The following EDNRA variants were observed in gnomAD, a reference collection of about 807,000 sequenced individuals.
The protein encoded by EDNRA is endothelin-1 receptor.
EDNRA carries 11 observed loss-of-function variants against 41.4 expected under a neutral mutation model. That is an observed-to-expected ratio of 0.27 (90% CI 0.17 to 0.44). The LOEUF is 0.44. EDNRA is among the 20% of genes least tolerant of loss of function. EDNRA has a pLI of 1.00. For synonymous variants in EDNRA, 172 were observed against 183.0 expected (o/e 0.94, Z 0.49); for missense variants, 294 against 531.0 (o/e 0.55, Z 4.39).
rs1219449309 is a variant in EDNRA at position 147,540,470 on chromosome 4, TA to T, written c.1133del (p.Asn378IlefsTer17). 1 of 1,609,166 alleles carries T rather than the reference TA, an allele frequency of 6.2e-7. No homozygotes were observed. The highest frequency in any genetic ancestry group is 8.5e-7 in the Non-Finnish European group (1 of 1,178,068). ...IALYFVSKKF[K>X]NCFQSCLCCC... ...CTCTGTATTTTGTGAGCAAGAAATTTAAAAATTGTTTCCAGGTAAGATGATT... is the reference window on the plus strand; with the variant it reads ...CTCTGTATTTTGTGAGCAAGAAATTTAAAATTGTTTCCAGGTAAGATGATT... On this transcript the variant is annotated frameshift_variant, in exon 7 of 8. Transcript: ENST00000651419. LOFTEE classifies it high-confidence loss of function.
At chr4:147,533,983 A>G (rs1005108954) in intron 4 of EDNRA, among the ~76,000 whole-genome samples, 2 of 152,050 alleles carry the variant, frequency 1.3e-5, no homozygotes, top group African/African-American at 4.8e-5. Flanking sequence ...CTCTTTTTCT[A>G]AATTTATTTC....
intron 1 of EDNRA, among the ~76,000 whole-genome samples, chr4:147,483,140 A>C (rs1728829565): frequency 6.6e-6 from 1 of 152,230 alleles, no homozygotes; most frequent in Admixed American, 6.5e-5. Flanking sequence ...GTCATTTCAT[A>C]GGTCTATCAA....
At chr4:147,496,982 T>C (rs1248808831) in intron 2 of EDNRA, among the ~76,000 whole-genome samples, 1 of 152,136 alleles carries the variant, frequency 6.6e-6, no homozygotes, top group Non-Finnish European at 1.5e-5. Flanking sequence ...TAATGATATC[T>C]GTCATATTTA....
At position 147,486,699 on chromosome 4, in the gene EDNRA, C is replaced by T. The variant is rs1481501430; in HGVS notation, c.420+598C>T. Among the ~76,000 whole-genome samples, 1 of 152,166 alleles carries T rather than the reference C, an allele frequency of 6.6e-6. No homozygotes were observed. Among genetic ancestry groups the T allele is most frequent in the Non-Finnish European group, 1.5e-5 (1 of 68,038 alleles). On this transcript the variant is annotated intron_variant, in intron 2 of 7. Transcript: ENST00000651419. The surrounding 1 kb of genome is among the most constrained non-coding windows in gnomAD (Gnocchi z 4.3). ...TGACCTTGCTGAGCAGCATTACTAACTAATACCACTTAAAATTTGCCTGCT... is the reference window on the plus strand; with the variant it reads ...TGACCTTGCTGAGCAGCATTACTAATTAATACCACTTAAAATTTGCCTGCT...
At position 147,501,656 on chromosome 4, in the gene EDNRA, T is replaced by G. The variant is rs10017079; in HGVS notation, c.420+15555T>G. ...TATACAATGTTCTGTACATTGCTTT[T>G]TTCAATTGACAGTACATCCTGGAGA... On this transcript the variant is annotated intron_variant, in intron 2 of 7. Coordinates refer to ENST00000651419, the MANE Select transcript of EDNRA (RefSeq NM_001957.4). Among the ~76,000 whole-genome samples the G allele has an allele frequency of 5.3e-3, 802 of 152,362 alleles. 4 individuals are homozygous for G. The highest frequency in any genetic ancestry group is 0.018 in the African/African-American group (751 of 41,592).
intron 3 of EDNRA, among the ~76,000 whole-genome samples, chr4:147,528,576 C>T (rs1393266977): frequency 3.3e-5 from 5 of 152,038 alleles, no homozygotes; most frequent in South Asian, 4.2e-4. Context: ...GTCAAGCGAT[C>T]GCCCCCCTCA....
chr4:147,520,445 A>C (rs1289350980), intron 3 of EDNRA: 3 of 519,056 alleles, frequency 5.8e-6, no homozygotes, highest in Non-Finnish European at 1.2e-5. Context: ...CATAAGTTTT[A>C]AAAAGAGTGC....
rs79795448 is a variant in EDNRA at position 147,502,013 on chromosome 4, T to C, written c.420+15912T>C. On this transcript the variant is annotated intron_variant, in intron 2 of 7. Coordinates refer to ENST00000651419, the MANE Select transcript of EDNRA (RefSeq NM_001957.4). ...TTTCCCCATTGCCTAAACATATTTT[T>C]AGATTAGGCATTTCTCTTTCCTTTG... Among the ~76,000 whole-genome samples, 1,424 of 152,336 alleles carry C rather than the reference T, an allele frequency of 9.3e-3. 18 individuals carry two copies. Among genetic ancestry groups the C allele is most frequent in the African/African-American group, 0.032 (1,345 of 41,582 alleles).
chr4:147,504,957 C>CAAAAAAAAAAAAAAAAA lies in EDNRA; in HGVS notation c.421-14890_421-14874dup, dbSNP rs57911108. ...TGGGCAACAAAGTGGGACCCTGTCT[C>CAAAAAAAAAAAAAAAAA]AAAAAAAAAAAAAAAAAAAAGGATT... On this transcript the variant is annotated intron_variant, in intron 2 of 7. Transcript: ENST00000651419. Among the ~76,000 whole-genome samples, 10 of 39,040 alleles carry CAAAAAAAAAAAAAAAAA rather than the reference C, an allele frequency of 2.6e-4. 1 individual carries two copies. Among genetic ancestry groups the CAAAAAAAAAAAAAAAAA allele is most frequent in the African/African-American group, 7.1e-4 (6 of 8,456 alleles). 25.6% of individuals were successfully genotyped at this position (39,040 alleles called of 152,430 possible). A position where few individuals can be genotyped will look rare whatever the true frequency, so the allele number is the denominator to read the frequency against.
chr4:147,481,155 C>G lies in EDNRA; in HGVS notation c.-292C>G, dbSNP rs1728736800. ...CGGTGGAGAGGCTTCATCCATCCCA[C>G]CCGGTCGTCGCCGGGGATTGGGGTC... On this transcript the variant is annotated 5_prime_UTR_variant, in exon 1 of 8. Transcript: ENST00000651419. 1 of 152,338 alleles carries G rather than the reference C, an allele frequency of 6.6e-6. No individual in the cohort carries two copies. Among genetic ancestry groups the G allele is most frequent in the Non-Finnish European group, 1.5e-5 (1 of 68,128 alleles). 9.4% of individuals were successfully genotyped at this position (152,338 alleles called of 1,614,324 possible). A position where few individuals can be genotyped will look rare whatever the true frequency, so the allele number is the denominator to read the frequency against.
At chr4:147,497,621 G>T (rs2126400356) in intron 2 of EDNRA, among the ~76,000 whole-genome samples, 1 of 152,108 alleles carries the variant, frequency 6.6e-6, no homozygotes, top group Admixed American at 6.5e-5. Flanking sequence ...GCCCAGGCTG[G>T]AGTGCAGTGG....
chr4:147,492,294 A>C (rs950851536), intron 2 of EDNRA: 1 of 152,186 alleles, frequency 6.6e-6, no homozygotes, highest in African/African-American at 2.4e-5. Flanking sequence ...ATATTAGGTA[A>C]ATGAGTGAAA....
In EDNRA at chr4:147,534,880, ACTC is replaced by A. The variant is rs537121295; in HGVS notation, c.748-992_748-990del. On this transcript the variant is annotated intron_variant, in intron 4 of 7. Coordinates refer to ENST00000651419, the MANE Select transcript of EDNRA (RefSeq NM_001957.4). Reference sequence around the variant, plus strand: ...GTCTGTGGCATAAAAATAGTCAAGAACTCCTCCCCCAAATTTTTTGTCTTTAGG... The same window carrying A: ...GTCTGTGGCATAAAAATAGTCAAGAACTCCCCCAAATTTTTTGTCTTTAGG... Among the ~76,000 whole-genome samples the A allele has an allele frequency of 8.8e-3, 1,331 of 151,902 alleles. 10 individuals are homozygous for A. Among genetic ancestry groups the A allele is most frequent in the Non-Finnish European group, 0.016 (1,073 of 67,920 alleles).
intron 2 of EDNRA, among the ~76,000 whole-genome samples, chr4:147,499,077 A>G (rs1400537805): frequency 6.6e-6 from 1 of 151,976 alleles, no homozygotes; most frequent in Non-Finnish European, 1.5e-5. Flanking sequence ...TTTTTTCGAG[A>G]AAGGGCCTCA....
At chr4:147,510,508 T>A (rs9884319) in intron 2 of EDNRA, among the ~76,000 whole-genome samples, 18,144 of 152,138 alleles carry the variant, frequency 0.12, 3,548 homozygotes, top group African/African-American at 0.41. Context: ...CTTTTTCAAG[T>A]AGCTTTAATT....
chr4:147,514,763 T>G (rs879724437), intron 2 of EDNRA, among the ~76,000 whole-genome samples: 6 of 152,188 alleles, frequency 3.9e-5, no homozygotes, highest in Admixed American at 2.6e-4. Context: ...TGTGAGCCAC[T>G]GCACCCAGCC....
chr4:147,506,823 A>G (rs533842641), intron 2 of EDNRA: 62 of 187,444 alleles, frequency 3.3e-4, no homozygotes, highest in African/African-American at 1.3e-3. Context: ...AAACGCATTG[A>G]TACTGGAAGG....
chr4:147,521,185 G>A (rs1168870503), intron 3 of EDNRA, among the ~76,000 whole-genome samples: 1 of 150,860 alleles, frequency 6.6e-6, no homozygotes, highest in East Asian at 1.9e-4. Flanking sequence ...CTGAGCCCAG[G>A]AATAAATAAA....
intron 2 of EDNRA, among the ~76,000 whole-genome samples, chr4:147,497,915 T>A (rs898854020): frequency 1.3e-5 from 2 of 152,194 alleles, no homozygotes; most frequent in African/African-American, 4.8e-5. Context: ...ATACTATTTT[T>A]AATGTGAAAT....
Sources: gnomAD v4.1 joint callset for allele counts (sites outside exome capture counted in the v4.1 genomes callset) on GRCh38, gnomAD v4.1.1 for gene constraint, Gnocchi (gnomAD v3.1) non-coding constraint, MANE v1.5 for transcripts, NCBI Gene and HGNC (gene_info 2026-07-23, HGNC 2026-07-21) for gene names.